THEMIS: variants seen among roughly 807,000 people sequenced by gnomAD.
THEMIS encodes protein THEMIS.
A neutral mutation model predicts 52.6 loss-of-function variants in THEMIS; 37 were observed. The observed-to-expected ratio is 0.70, with a 90% CI of 0.54 to 0.93. The LOEUF is 0.93. Ranked by LOEUF, THEMIS falls within the 40% of genes least tolerant of loss-of-function variation. THEMIS has a pLI of 0.00. For missense variants in THEMIS, 808 were observed against 763.1 expected (o/e 1.06, Z -0.69); for synonymous variants, 292 against 272.7 (o/e 1.07, Z -0.70).
intron 2 of THEMIS, among the ~76,000 whole-genome samples, chr6:127,836,060 C>A (rs1199629615): frequency 6.6e-6 from 1 of 152,092 alleles, no homozygotes; most frequent in African/African-American, 2.4e-5. Context: ...AAGAAAACAG[C>A]AAAATGCCAA....
intron 4 of THEMIS, among the ~76,000 whole-genome samples, chr6:127,761,800 A>G (rs994750726): frequency 6.6e-6 from 1 of 152,114 alleles, no homozygotes; most frequent in Admixed American, 6.6e-5. Context: ...AGATTACAAG[A>G]ACCCAGAGTG....
Position 127,813,379 on chromosome 6 carries a change from T to A in THEMIS, c.1262A>T (p.Tyr421Phe), listed in dbSNP as rs566681397. Residue 421 changes from tyrosine to phenylalanine, a missense_variant, in exon 4 of 6, where the codon TAT (tyrosine) becomes TTT (phenylalanine). Tyr to Phe is a conservative substitution (Grantham distance 22, BLOSUM62 3). Transcript: ENST00000368248. ...LACEKILKKSYEAALLPLYME... is the reference protein window; with the variant it reads ...LACEKILKKSFEAALLPLYME... ...GTACAAAGGGAGCAGCGCAGCCTCA[T>A]AGGACTTTTTGAGGATTTTTTCACA... 6.2e-7 allele frequency: 1 copy of A among 1,613,748 alleles called. No individual in the cohort carries two copies. The highest frequency in any genetic ancestry group is 8.5e-7 in the Non-Finnish European group (1 of 1,179,918).
chr6:127,804,104 T>C (rs536525444), intron 4 of THEMIS, among the ~76,000 whole-genome samples: 2 of 152,160 alleles, frequency 1.3e-5, no homozygotes, highest in East Asian at 3.9e-4. Flanking sequence ...AAAGTAGACA[T>C]ATATAGAAAA....
rs1778634607 is a variant in THEMIS, at chr6:127,829,762, A to C, written c.423T>G (p.Val141=). ...CCATTATTTCTCCATCAATCTCTTC[A>C]ACTGAGTTGAGCATGATTTGCTCAC... is the stretch of plus-strand genomic sequence containing the variant. The part of the protein sequence containing the change: ...KQGEQIMLNS[V]EEIDGEIMVS... The change falls in exon 3 of 6, where the codon GTT becomes GTG. Residue 141 remains valine (V), a synonymous_variant. Coordinates refer to ENST00000368248, the MANE Select transcript of THEMIS (RefSeq NM_001010923.3). The C allele has an allele frequency of 6.2e-7, 1 of 1,613,958 alleles. No homozygotes were observed. The highest frequency in any genetic ancestry group is 8.5e-7 in the Non-Finnish European group (1 of 1,180,000).
At chr6:127,774,868 G>A (rs1226028903) in intron 4 of THEMIS, among the ~76,000 whole-genome samples, 3 of 152,158 alleles carry the variant, frequency 2.0e-5, no homozygotes, top group Admixed American at 1.3e-4. Context: ...AGTAGGGTGA[G>A]GGTGGAACTT....
intron 4 of THEMIS, among the ~76,000 whole-genome samples, chr6:127,794,283 A>C (rs1303121977): frequency 6.6e-6 from 1 of 152,186 alleles, no homozygotes; most frequent in Non-Finnish European, 1.5e-5. Context: ...TCTAACCTCA[A>C]CACAAAAGCC....
intron 3 of THEMIS, among the ~76,000 whole-genome samples, chr6:127,814,217 C>T (rs150978847): frequency 2.1e-4 from 32 of 152,284 alleles, no homozygotes; most frequent in African/African-American, 2.9e-4. Flanking sequence ...CTTCTACTGA[C>T]GTACGATCAC....
At chr6:127,706,589 G>A (rs113937071), downstream of THEMIS, among the ~76,000 whole-genome samples, 149 of 152,270 alleles carry the variant, frequency 9.8e-4, 4 homozygotes, top group East Asian at 4.3e-3. Flanking sequence ...GGGGTTTACA[G>A]TCTAGTGTAA....
At chr6:127,737,652 T>C (rs988771010) in intron 4 of THEMIS, among the ~76,000 whole-genome samples, 7 of 152,216 alleles carry the variant, frequency 4.6e-5, no homozygotes, top group African/African-American at 1.7e-4. Flanking sequence ...AGGATTTTAC[T>C]CACTACATGG....
chr6:127,760,475 T>A (rs969733764), intron 4 of THEMIS, among the ~76,000 whole-genome samples: 1 of 152,170 alleles, frequency 6.6e-6, no homozygotes, highest in Non-Finnish European at 1.5e-5. Flanking sequence ...TTGGGTAGTA[T>A]GAATATTTTA....
At chr6:127,704,611 A>G (rs1773776953), downstream of THEMIS, among the ~76,000 whole-genome samples, 1 of 152,224 alleles carries the variant, frequency 6.6e-6, no homozygotes, top group Non-Finnish European at 1.5e-5. Context: ...TAATCATATG[A>G]CTGAAACTGC....
intron 4 of THEMIS, among the ~76,000 whole-genome samples, chr6:127,727,566 T>A (rs187134336): frequency 6.6e-6 from 1 of 152,118 alleles, no homozygotes; most frequent in Admixed American, 6.6e-5. Context: ...CATCTTAGCC[T>A]TCTGAGTATT....
intron 4 of THEMIS, among the ~76,000 whole-genome samples, chr6:127,806,196 T>A (rs1777702991): frequency 6.6e-6 from 1 of 152,174 alleles, no homozygotes; most frequent in Non-Finnish European, 1.5e-5. Flanking sequence ...TTTTAGTAAA[T>A]GAAAACTATT....
intron 1 of THEMIS, among the ~76,000 whole-genome samples, chr6:127,917,219 A>T (rs802715): frequency 0.74 from 112,627 of 152,110 alleles, 42,236 homozygotes; most frequent in East Asian, 0.97. Context: ...TCCTCAACAC[A>T]ACCTGAGATG....
intron 4 of THEMIS, among the ~76,000 whole-genome samples, chr6:127,751,824 T>G (rs1188135837): frequency 1.3e-5 from 2 of 151,620 alleles, no homozygotes; most frequent in African/African-American, 4.8e-5. Flanking sequence ...AATAGTGAAC[T>G]GAAACAACTA....
intron 1 of THEMIS, among the ~76,000 whole-genome samples, chr6:127,876,597 G>T (rs892056352): frequency 1.1e-4 from 16 of 152,182 alleles, no homozygotes; most frequent in African/African-American, 3.9e-4. Context: ...GTATTTTAAA[G>T]TTCCTTAGTA....
At position 127,741,607 on chromosome 6, in the gene THEMIS, G is replaced by A. The variant is rs560222341; in HGVS notation, c.1759-21784C>T. ...GTTCAACTAGGTATTTAGAAACTTT[G>A]ATTTCTTCAGTTATCTAAGTGACCT... On this transcript the variant is annotated intron_variant, in intron 4 of 5. Coordinates refer to ENST00000368248, the MANE Select transcript of THEMIS (RefSeq NM_001010923.3). Among the ~76,000 whole-genome samples, 11 of 152,318 alleles carry A rather than the reference G, an allele frequency of 7.2e-5. No individual in the cohort carries two copies. The South Asian group carries it at 2.3e-3, about 32-fold the overall frequency.
At chr6:127,795,114 G>A (rs1777283521) in intron 4 of THEMIS, among the ~76,000 whole-genome samples, 1 of 152,128 alleles carries the variant, frequency 6.6e-6, no homozygotes, top group Non-Finnish European at 1.5e-5. Flanking sequence ...AATGCTCAAG[G>A]AGATGACCTG....
intron 1 of THEMIS, among the ~76,000 whole-genome samples, chr6:127,896,973 A>T (rs1294680969): frequency 6.6e-6 from 1 of 151,538 alleles, no homozygotes; most frequent in Admixed American, 6.6e-5. Flanking sequence ...TAGCAAGTAG[A>T]TGAATAGAAC....
Sources: gnomAD v4.1 joint callset for allele counts (sites outside exome capture counted in the v4.1 genomes callset) on GRCh38, gnomAD v4.1.1 for gene constraint, MANE v1.5 for transcripts, NCBI Gene and HGNC (gene_info 2026-07-23, HGNC 2026-07-21) for gene names.